The following PLEKHA6 variants were observed in gnomAD, a reference collection of about 807,000 sequenced individuals.
PLEKHA6 encodes pleckstrin homology domain-containing family A member 6.
Under a neutral mutation model 116.7 loss-of-function variants are expected in PLEKHA6, and 60 were observed. The observed-to-expected ratio is 0.51, with a 90% CI of 0.42 to 0.64. The LOEUF (loss-of-function observed/expected upper bound fraction) is 0.64. PLEKHA6 is among the 30% of genes least tolerant of loss of function. The probability of loss-of-function intolerance (pLI) is 0.00; values close to 1 mark genes in which losing one functional copy is unlikely to be tolerated. For synonymous variants in PLEKHA6, 489 were observed against 556.1 expected (o/e 0.88, Z 1.70); for missense variants, 1,338 against 1,422.7 (o/e 0.94, Z 0.96).
chr1:204,368,134 G>A (rs900349760), intron 2 of PLEKHA6, among the ~76,000 whole-genome samples: 31 of 152,296 alleles, frequency 2.0e-4, no homozygotes, highest in African/African-American at 7.0e-4. Flanking sequence ...CTGGCAGGAT[G>A]CACTTATTCA....
chr1:204,322,226 C>T (rs1032896343), intron 1 of PLEKHA6, among the ~76,000 whole-genome samples: 2 of 152,184 alleles, frequency 1.3e-5, no homozygotes, highest in Admixed American at 6.5e-5. Flanking sequence ...AACCCGCCCC[C>T]CTACACACAC....
chr1:204,289,626 A>C (rs937099412), intron 1 of PLEKHA6, among the ~76,000 whole-genome samples: 1 of 152,186 alleles, frequency 6.6e-6, no homozygotes, highest in Admixed American at 6.5e-5. Context: ...AGAGATCTGG[A>C]GGTGTTCTAC....
At chr1:204,244,169 G>A (rs1663280633) in intron 15 of PLEKHA6, among the ~76,000 whole-genome samples, 1 of 151,212 alleles carries the variant, frequency 6.6e-6, no homozygotes, top group Non-Finnish European at 1.5e-5. Flanking sequence ...GTCTCCCTCT[G>A]TCACCAGGCT....
At chr1:204,281,197 G>A (rs1668556982) in intron 1 of PLEKHA6, 1 of 153,188 alleles carries the variant, frequency 6.5e-6, no homozygotes, top group Non-Finnish European at 1.4e-5. Context: ...AAACAACAGA[G>A]CAAGGCCCCC....
At chr1:204,258,004 G>T in intron 8 of PLEKHA6, 135 bp from the exon 9 acceptor site, 1 of 743,532 alleles carries the variant, frequency 1.3e-6, no homozygotes, top group Non-Finnish European at 2.2e-6. Flanking sequence ...TTATTCCAGA[G>T]ATGAGGGAAA....
At chr1:204,357,302 G>A (rs1419018252) in intron 1 of PLEKHA6, among the ~76,000 whole-genome samples, 1 of 152,164 alleles carries the variant, frequency 6.6e-6, no homozygotes. Flanking sequence ...ATCTGGATGT[G>A]GAGGGAGTCT....
At chr1:204,327,462 C>A (rs1672282279) in intron 1 of PLEKHA6, among the ~76,000 whole-genome samples, 1 of 152,230 alleles carries the variant, frequency 6.6e-6, no homozygotes, top group African/African-American at 2.4e-5. Context: ...TGCCGACGGG[C>A]CCCTTCTGGG....
intron 1 of PLEKHA6, among the ~76,000 whole-genome samples, chr1:204,316,394 A>G (rs981738542): frequency 3.3e-5 from 5 of 152,176 alleles, no homozygotes; most frequent in African/African-American, 1.2e-4. Context: ...GCCGGGAAAG[A>G]CAGCTGCAGG....
At chr1:204,280,881 T>G in intron 1 of PLEKHA6, 1 of 301,040 alleles carries the variant, frequency 3.3e-6, no homozygotes, top group Non-Finnish European at 4.9e-6. Flanking sequence ...CCCCTGCCAT[T>G]TCCAGGAGAA....
chr1:204,346,757 T>TC, intron 1 of PLEKHA6: 3 of 923,406 alleles, frequency 3.2e-6, no homozygotes, highest in Non-Finnish European at 5.4e-6. Context: ...CCATTTGCTT[T>TC]TTTTTTTTTT....
rs1571701806 is a variant in PLEKHA6, at chr1:204,222,050, T to TCTCTCTCTCTCTCTCTCTCTCTCTC, written c.*737_*738insGAGAGAGAGAGAGAGAGAGAGAGAG. 1 of 64,604 alleles carries TCTCTCTCTCTCTCTCTCTCTCTCTC rather than the reference T, an allele frequency of 1.5e-5. No homozygotes were observed. Among genetic ancestry groups the TCTCTCTCTCTCTCTCTCTCTCTCTC allele is most frequent in the African/African-American group, 5.4e-5 (1 of 18,418 alleles). 4.0% of individuals were successfully genotyped at this position (64,604 alleles called of 1,614,324 possible). ...TCTCTCTCTCTCTCTCTCTCTCTCT[T>TCTCTCTCTCTCTCTCTCTCTCTCTC]TCTGTCTCTCTCTCTCTGCTACCCT... On this transcript the variant is annotated 3_prime_UTR_variant, in exon 23 of 23. Transcript: ENST00000272203.
chr1:204,281,893 G>A (rs908502694), intron 1 of PLEKHA6, among the ~76,000 whole-genome samples: 5 of 152,036 alleles, frequency 3.3e-5, no homozygotes, highest in African/African-American at 7.2e-5. Flanking sequence ...CAGCCACACC[G>A]CACCCCCAGC....
At chr1:204,255,094 T>C (rs1665098113) in intron 9 of PLEKHA6, among the ~76,000 whole-genome samples, 2 of 152,200 alleles carry the variant, frequency 1.3e-5, no homozygotes, top group African/African-American at 2.4e-5. Context: ...GAGCTGTTTA[T>C]GCAAAAGGGC....
chr1:204,248,142 CCAGGGCAG>C (rs1558057093), intron 12 of PLEKHA6, among the ~76,000 whole-genome samples: 1 of 143,196 alleles, frequency 7.0e-6, no homozygotes, highest in Admixed American at 7.2e-5. Flanking sequence ...GAAGTAGTGA[CCAGGGCAG>C]CAGCCTTTTT....
exon 3 of PLEKHA6, chr1:204,367,815 C>T (rs1293098582): frequency 6.6e-6 from 1 of 152,242 alleles, no homozygotes; most frequent in African/African-American, 2.4e-5. Flanking sequence ...AAATACACAG[C>T]TCCTTCCTGG....
chr1:204,248,828 G>T lies in PLEKHA6; in HGVS notation c.1817C>A (p.Ala606Glu). Residue 606 changes from alanine to glutamate, a missense_variant, in exon 12 of 23, where the codon GCG becomes GAG. Around this residue, in one of 3 missense-constraint regions of PLEKHA6, gnomAD observed 1,136 missense variants for 1,163.6 expected, o/e 0.98. Coordinates refer to ENST00000272203, the MANE Select transcript of PLEKHA6 (RefSeq NM_014935.5). ...CCCCGCTCCCTGGGTTACCGTGGTC[G>T]CCTGAGACAGCTCCACGCGGATGTT... Reference protein sequence around the residue: ...LINIRVELSQATTALTNSTIE... With the variant: ...LINIRVELSQETTALTNSTIE... 6.2e-7 allele frequency: 1 copy of T among 1,613,636 alleles called. No homozygotes were observed. The highest frequency in any genetic ancestry group is 8.5e-7 in the Non-Finnish European group (1 of 1,179,902).
intron 17 of PLEKHA6, among the ~76,000 whole-genome samples, chr1:204,232,982 A>G (rs920414713): frequency 6.6e-6 from 1 of 152,028 alleles, no homozygotes; most frequent in African/African-American, 2.4e-5. Context: ...TTTATTTTTT[A>G]AATAGAGATA....
At chr1:204,236,708 A>G (rs1662103589) in intron 17 of PLEKHA6, among the ~76,000 whole-genome samples, 1 of 152,176 alleles carries the variant, frequency 6.6e-6, no homozygotes, top group Non-Finnish European at 1.5e-5. Flanking sequence ...TCATTGGCTA[A>G]TTAATCCTGG....
At chr1:204,247,741 G>A (rs181454596) in intron 12 of PLEKHA6, among the ~76,000 whole-genome samples, 148 of 152,204 alleles carry the variant, frequency 9.7e-4, no homozygotes, top group African/African-American at 3.4e-3. Flanking sequence ...CCAGATCAGC[G>A]GATAAAAAGT....
Sources: gnomAD v4.1 joint callset for allele counts (sites outside exome capture counted in the v4.1 genomes callset) on GRCh38, gnomAD v4.1.1 for gene constraint, gnomAD v4.1.1 regional missense constraint, MANE v1.5 for transcripts, NCBI Gene and HGNC (gene_info 2026-07-23, HGNC 2026-07-21) for gene names.